The following SLC8A1 variants were observed in gnomAD, a reference collection of about 807,000 sequenced individuals.
SLC8A1 encodes the protein sodium/calcium exchanger 1.
In SLC8A1, 18 loss-of-function variants were observed where a neutral mutation model predicts 68.3. The ratio of observed to expected loss-of-function variants is 0.26; its 90% CI spans 0.18 to 0.39. The LOEUF (loss-of-function observed/expected upper bound fraction) is 0.39, where lower values mean the gene tolerates loss of function less well. Ranked by LOEUF, SLC8A1 falls within the 10% of genes least tolerant of loss-of-function variation. SLC8A1 has a pLI of 1.00. For synonymous variants in SLC8A1, 475 were observed against 415.5 expected (o/e 1.14, Z -1.74); for missense variants, 985 against 1,156.7 (o/e 0.85, Z 2.15).
chr2:40,266,200 C>G (rs1333809207), intron 2 of SLC8A1, among the ~76,000 whole-genome samples: 1 of 152,100 alleles, frequency 6.6e-6, no homozygotes, highest in Admixed American at 6.6e-5. Context: ...TCTGGGCCAC[C>G]ATATGTAGAC....
chr2:40,270,361 C>A (rs717827), intron 2 of SLC8A1, among the ~76,000 whole-genome samples: 68,756 of 152,098 alleles, frequency 0.45, 17,359 homozygotes, highest in East Asian at 0.81. Flanking sequence ...TTATCATCTT[C>A]TAGTTTGTAT....
intron 2 of SLC8A1, among the ~76,000 whole-genome samples, chr2:40,373,358 G>T (rs1279006748): frequency 6.6e-6 from 1 of 152,032 alleles, no homozygotes; most frequent in Non-Finnish European, 1.5e-5. Flanking sequence ...TTCAAAAATA[G>T]ATCATCACAG....
chr2:40,320,472 T>C (rs1031999746), intron 2 of SLC8A1, among the ~76,000 whole-genome samples: 1 of 152,144 alleles, frequency 6.6e-6, no homozygotes, highest in African/African-American at 2.4e-5. Flanking sequence ...ATGTTGTGGA[T>C]AACCCTAAAC....
chr2:40,451,341 C>G (rs1224746209), intron 1 of SLC8A1, among the ~76,000 whole-genome samples: 1 of 152,148 alleles, frequency 6.6e-6, no homozygotes, highest in Non-Finnish European at 1.5e-5. Context: ...TCTTCCTCGT[C>G]TGTCTCTGCC....
At chr2:40,169,414 G>T (rs534456048) in intron 4 of SLC8A1, among the ~76,000 whole-genome samples, 2 of 152,228 alleles carry the variant, frequency 1.3e-5, no homozygotes, top group Non-Finnish European at 2.9e-5. Flanking sequence ...CTCTTTGATT[G>T]GAGGCTAAAG....
intron 2 of SLC8A1, among the ~76,000 whole-genome samples, chr2:40,418,331 A>G (rs1694480195): frequency 6.6e-6 from 1 of 152,156 alleles, no homozygotes; most frequent in Non-Finnish European, 1.5e-5. Flanking sequence ...CAGATAAATT[A>G]CTTCCTAGAA....
intron 7 of SLC8A1, among the ~76,000 whole-genome samples, chr2:40,127,094 C>T (rs891761352): frequency 2.0e-5 from 3 of 152,108 alleles, no homozygotes; most frequent in African/African-American, 7.2e-5. Flanking sequence ...ATCAAGAATG[C>T]CACATTGCTT....
At chr2:40,265,176 G>A (rs1163362170) in intron 2 of SLC8A1, among the ~76,000 whole-genome samples, 2 of 152,152 alleles carry the variant, frequency 1.3e-5, no homozygotes, top group Non-Finnish European at 2.9e-5. Context: ...TAGAGTAGAC[G>A]ATGGGCATGC....
intron 4 of SLC8A1, among the ~76,000 whole-genome samples, chr2:40,173,037 CA>C (rs992840255): frequency 6.6e-6 from 1 of 152,114 alleles, no homozygotes; most frequent in African/African-American, 2.4e-5. Flanking sequence ...CTAGTAGCCA[CA>C]AGTTTTTAGT....
intron 2 of SLC8A1, among the ~76,000 whole-genome samples, chr2:40,296,726 T>C (rs2070461940): frequency 6.6e-6 from 1 of 152,220 alleles, no homozygotes; most frequent in Non-Finnish European, 1.5e-5. Flanking sequence ...TTATTTATTT[T>C]ATGTTTGACT....
At chr2:40,106,515 C>T (rs2125040815) in exon 8 of SLC8A1, 1 of 152,016 alleles carries the variant, frequency 6.6e-6, no homozygotes, top group East Asian at 1.9e-4. Context: ...GTGAGAACAA[C>T]CTGAGAATAT....
chr2:40,271,106 AG>A (rs2065967542), intron 2 of SLC8A1, among the ~76,000 whole-genome samples: 1 of 152,112 alleles, frequency 6.6e-6, no homozygotes, highest in Non-Finnish European at 1.5e-5. Context: ...ACACAATCAC[AG>A]TATGCCACTC....
intron 1 of SLC8A1, among the ~76,000 whole-genome samples, chr2:40,432,343 A>G (rs1698503009): frequency 6.6e-6 from 1 of 150,500 alleles, no homozygotes; most frequent in Non-Finnish European, 1.5e-5. Context: ...GAAGGTTAAA[A>G]ACTCCTATGG....
chr2:40,223,350 A>C (rs2058583547), intron 2 of SLC8A1, among the ~76,000 whole-genome samples: 1 of 152,078 alleles, frequency 6.6e-6, no homozygotes, highest in East Asian at 1.9e-4. Flanking sequence ...GGAACATCAC[A>C]CACCAGGGCC....
At chr2:40,356,385 C>A (rs1343052856) in intron 2 of SLC8A1, among the ~76,000 whole-genome samples, 3 of 152,134 alleles carry the variant, frequency 2.0e-5, no homozygotes, top group Admixed American at 1.3e-4. Flanking sequence ...CACAGAGAAT[C>A]TAGTTCAACT....
intron 2 of SLC8A1, among the ~76,000 whole-genome samples, chr2:40,401,106 A>G (rs1688595234): frequency 6.6e-6 from 1 of 152,206 alleles, no homozygotes; most frequent in South Asian, 2.1e-4. Flanking sequence ...TGCAGAAATC[A>G]TCACCCAGAA....
At chr2:40,124,127 TCAGATAGAGAAA>T (rs2037535905) in intron 7 of SLC8A1, among the ~76,000 whole-genome samples, 1 of 152,182 alleles carries the variant, frequency 6.6e-6, no homozygotes, top group Non-Finnish European at 1.5e-5. Context: ...CTGAGAAGGA[TCAGATAGAGAAA>T]CTGTACTCTA....
intron 2 of SLC8A1, among the ~76,000 whole-genome samples, chr2:40,211,680 A>G (rs770680321): frequency 9.2e-5 from 14 of 152,182 alleles, no homozygotes; most frequent in Non-Finnish European, 2.1e-4. Flanking sequence ...AATGGTTTGG[A>G]CTATCAGGGC....
chr2:40,228,280 A>G (rs1446723527), intron 2 of SLC8A1, among the ~76,000 whole-genome samples: 3 of 152,222 alleles, frequency 2.0e-5, no homozygotes, highest in Non-Finnish European at 4.4e-5. Context: ...ATGCCTATGC[A>G]AAGATCACAT....
Sources: gnomAD v4.1 joint callset for allele counts (sites outside exome capture counted in the v4.1 genomes callset) on GRCh38, gnomAD v4.1.1 for gene constraint, MANE v1.5 for transcripts, NCBI Gene and HGNC (gene_info 2026-07-23, HGNC 2026-07-21) for gene names.